Variants in MCF2L observed in about 807,000 individuals in gnomAD.
The protein encoded by MCF2L is MCF.2 cell line derived transforming sequence like, also known as guanine nucleotide exchange factor DBS.
A neutral mutation model predicts 153.4 loss-of-function variants in MCF2L; 97 were observed. The observed-to-expected ratio is 0.63, with a 90% CI of 0.54 to 0.75. The LOEUF (loss-of-function observed/expected upper bound fraction) is 0.75. MCF2L is among the 30% of genes least tolerant of loss of function. MCF2L has a pLI of 0.00. For missense variants in MCF2L, 1,347 were observed against 1,495.2 expected, an observed-to-expected ratio of 0.90 and a Z score of 1.64; for synonymous variants, 659 against 632.2, an observed-to-expected ratio of 1.04 and a Z score of -0.64.
In MCF2L at chr13:113,087,292, G is replaced by A. The variant is rs766316400; in HGVS notation, c.2431G>A (p.Asp811Asn). ...LMQGSFSVWT[D>N]HKRGHTKVKE... ...GCAGGGCTCGTTCAGCGTCTGGACC[G>A]ACCACAAGAGGGGCCACACCAAGGT... The change falls in exon 22 of 30, where the codon GAC becomes AAC. Residue 811 changes from aspartate (D) to asparagine (N), a missense_variant. Coordinates refer to ENST00000535094, the MANE Select transcript of MCF2L (RefSeq NM_001112732.3). 5 of 1,612,976 alleles carry A rather than the reference G, an allele frequency of 3.1e-6. No individual in the cohort carries two copies. Among genetic ancestry groups the A allele is most frequent in the Non-Finnish European group, 4.2e-6 (5 of 1,180,044 alleles).
intron 26 of MCF2L, chr13:113,090,478 C>T: frequency 1.0e-6 from 1 of 979,792 alleles, no homozygotes; most frequent in Non-Finnish European, 1.2e-6. Flanking sequence ...AGGTGAGTTC[C>T]CTGCAGGGTG....
chr13:112,944,676 T>G (rs3011481), intron 2 of MCF2L, among the ~76,000 whole-genome samples: 1 of 149,340 alleles, frequency 6.7e-6, no homozygotes, highest in Non-Finnish European at 1.5e-5. Context: ...TTAGTAGAGA[T>G]GGGGTTTCAC....
intron 4 of MCF2L, among the ~76,000 whole-genome samples, chr13:113,057,423 G>A (rs1384565746): frequency 1.4e-5 from 2 of 146,030 alleles, no homozygotes; most frequent in East Asian, 4.3e-4. Context: ...GTGTGTTTGG[G>A]TGCTGAGTGT....
chr13:113,022,394 G>T (rs1031198137), intron 2 of MCF2L, among the ~76,000 whole-genome samples: 1 of 20,236 alleles, frequency 4.9e-5, no homozygotes, highest in African/African-American at 1.4e-4. Context: ...CACCCCCGCC[G>T]GCCAGGGGTC....
Position 113,035,053 on chromosome 13 carries a change from G to A in MCF2L, c.279-10218G>A, listed in dbSNP as rs1191531142. Among the ~76,000 whole-genome samples, 1 of 152,204 alleles carries A rather than the reference G, an allele frequency of 6.6e-6. No individual in the cohort carries two copies. The highest frequency in any genetic ancestry group is 1.5e-5 in the Non-Finnish European group (1 of 68,042). On this transcript the variant is annotated intron_variant, in intron 3 of 29. Coordinates refer to ENST00000535094, the MANE Select transcript of MCF2L (RefSeq NM_001112732.3). This position sits in a 1 kb window ranked among gnomAD's most constrained non-coding sequence, Gnocchi z 4.4. ...GCATGGCCCCCGTGAAGCCCCTCGG[G>A]AGGAAGGGTTCCTGTCCACGTTCAG...
intron 2 of MCF2L, among the ~76,000 whole-genome samples, chr13:112,902,738 T>G (rs1485614210): frequency 2.6e-5 from 4 of 152,264 alleles, no homozygotes; most frequent in Non-Finnish European, 5.9e-5. Context: ...TTTGCTTCAT[T>G]CTTTAGAAAC....
intron 26 of MCF2L, chr13:113,090,286 A>C: frequency 7.8e-7 from 1 of 1,287,608 alleles, no homozygotes; most frequent in Non-Finnish European, 1.0e-6. Flanking sequence ...CCACCCAATC[A>C]CGTGTTCCCT....
intron 2 of MCF2L, among the ~76,000 whole-genome samples, chr13:112,926,759 AG>A (rs1489788327): frequency 6.6e-6 from 1 of 151,768 alleles, no homozygotes; most frequent in African/African-American, 2.4e-5. Context: ...ACTCGCAGAA[AG>A]GGGAACTCAT....
rs149493723 is a variant in MCF2L, at chr13:113,045,389, C to A, written c.369+28C>A. The A allele has an allele frequency of 2.5e-6, 4 of 1,576,266 alleles. No homozygotes were observed. The highest frequency in any genetic ancestry group is 3.5e-6 in the Non-Finnish European group (4 of 1,146,178). On this transcript the variant is annotated intron_variant, in intron 4 of 29. Coordinates refer to ENST00000535094, the MANE Select transcript of MCF2L (RefSeq NM_001112732.3). This position sits in a 1 kb window ranked among gnomAD's most constrained non-coding sequence, Gnocchi z 4.2. ...AAGTGCCACCCGGGGCTCTGCCCTG[C>A]GCCCGGCCCCTCCCTGGGCTGCATG...
At chr13:113,076,193 T>C in intron 12 of MCF2L, 36 bp downstream of exon 12, 1 of 1,546,204 alleles carries the variant, frequency 6.5e-7, no homozygotes, top group Non-Finnish European at 8.8e-7. Flanking sequence ...TGCAGCTTGC[T>C]GTCCCGAGCA....
chr13:112,992,786 A>G (rs2082943980), intron 1 of MCF2L, among the ~76,000 whole-genome samples: 1 of 152,260 alleles, frequency 6.6e-6, no homozygotes, highest in African/African-American at 2.4e-5. Flanking sequence ...TAGGTCTCCT[A>G]TACTGTAAAT....
rs918612287 is a variant in MCF2L, at chr13:112,934,924, T to C, written c.169+32553T>C. ...GAGGCTTGACTTTGCTTCCTGGTCC[T>C]GGACACGTTAGTGTTCATGTTCCCC... is the stretch of plus-strand genomic sequence containing the variant. On this transcript the variant is annotated intron_variant, in intron 2 of 29. Coordinates refer to the MCF2L transcript ENST00000375608. Among the ~76,000 whole-genome samples the C allele has an allele frequency of 2.0e-5, 3 of 152,358 alleles. No individual in the cohort carries two copies. The East Asian group carries it at 5.8e-4, about 29-fold the overall frequency.
At chr13:112,915,425 A>AT (rs58809620) in intron 2 of MCF2L, among the ~76,000 whole-genome samples, 1 of 149,870 alleles carries the variant, frequency 6.7e-6, no homozygotes, top group African/African-American at 2.5e-5. Flanking sequence ...AAAAAAAAAA[A>AT]TCCATCCTCA....
chr13:113,062,501 G>A (rs367559780), intron 5 of MCF2L, among the ~76,000 whole-genome samples: 5 of 152,048 alleles, frequency 3.3e-5, no homozygotes, highest in Non-Finnish European at 5.9e-5. Flanking sequence ...GACGTGTCAC[G>A]GGGAGCAAGA....
chr13:112,921,800 A>G (rs1321586497), intron 2 of MCF2L, among the ~76,000 whole-genome samples: 1 of 152,206 alleles, frequency 6.6e-6, no homozygotes, highest in African/African-American at 2.4e-5. Context: ...CATGCCAGCT[A>G]AAGTGGAGAG....
At position 113,028,918 on chromosome 13, in the gene MCF2L, G is replaced by A. The variant is rs1299259876; in HGVS notation, c.278+4160G>A. ...TGTGTAATGTGAGCATGTGGCATGT[G>A]TGGGGTAAGTGGTGTGTGTGGTATG... is the stretch of plus-strand genomic sequence containing the variant. On this transcript the variant is annotated intron_variant, in intron 3 of 29. Coordinates refer to ENST00000535094, the MANE Select transcript of MCF2L (RefSeq NM_001112732.3). The surrounding 1 kb of genome is among the most constrained non-coding windows in gnomAD (Gnocchi z 5.4). Among the ~76,000 whole-genome samples the A allele has an allele frequency of 2.6e-5, 4 of 150,976 alleles. No individual in the cohort carries two copies. Among genetic ancestry groups the A allele is most frequent in the African/African-American group, 7.3e-5 (3 of 40,998 alleles).
In MCF2L at chr13:112,938,200, A is replaced by G. The variant is rs1260354880; in HGVS notation, c.169+35829A>G. 3.1e-3 allele frequency among the ~76,000 whole-genome samples: 402 copies of G among 128,014 alleles called. 1 individual carries two copies. The highest frequency in any genetic ancestry group is 0.012 in the African/African-American group (391 of 33,096). The allele number at this position is 128,014 out of a possible 152,430, so 84.0% of individuals were successfully genotyped here. Reference sequence around the variant, plus strand: ...CAGGTGAGCGCTGAGGGGTTGGTTCAGGTGAGCGCTGAGGGGTTGGTTCAG... The same window carrying G: ...CAGGTGAGCGCTGAGGGGTTGGTTCGGGTGAGCGCTGAGGGGTTGGTTCAG... On this transcript the variant is annotated intron_variant, in intron 2 of 29. Transcript: ENST00000375608.
At chr13:113,012,097 AGTGTGGATGGTGGACAGGTG>A (rs2084174722) in intron 1 of MCF2L, among the ~76,000 whole-genome samples, 1 of 92,286 alleles carries the variant, frequency 1.1e-5, no homozygotes. Flanking sequence ...TGGACACTGC[AGTGTGGATGGTGGACAGGTG>A]GTGTGGACGG....
intron 15 of MCF2L, 74 bp from the exon 16 acceptor site, chr13:113,081,139 G>A: frequency 3.8e-6 from 5 of 1,308,432 alleles, no homozygotes; most frequent in Non-Finnish European, 5.3e-6. Context: ...GGTGGCACCT[G>A]TGAGACTGTG....
Sources: allele counts gnomAD v4.1 joint callset (sites outside exome capture counted in the v4.1 genomes callset), GRCh38; gene constraint gnomAD v4.1.1; non-coding constraint Gnocchi (gnomAD v3.1); transcripts MANE v1.5; gene names NCBI Gene and HGNC (gene_info 2026-07-23, HGNC 2026-07-21).